PTPRN2: variants seen among roughly 807,000 people sequenced by gnomAD.
The protein encoded by PTPRN2 is protein tyrosine phosphatase receptor type N2.
In PTPRN2, 74 loss-of-function variants were observed where a neutral mutation model predicts 118.8. The observed-to-expected ratio is 0.62, with a 90% CI of 0.52 to 0.76. PTPRN2 has a LOEUF of 0.76. Ranked by LOEUF, PTPRN2 falls within the 30% of genes least tolerant of loss-of-function variation. The probability of loss-of-function intolerance (pLI) is 0.00; values close to 1 mark genes in which losing one functional copy is unlikely to be tolerated. For missense variants in PTPRN2, 1,481 were observed against 1,394.4 expected (o/e 1.06, Z -0.99); for synonymous variants, 641 against 608.0 (o/e 1.05, Z -0.80).
At chr7:157,842,144 C>T (rs1808466545) in intron 12 of PTPRN2, among the ~76,000 whole-genome samples, 1 of 152,190 alleles carries the variant, frequency 6.6e-6, no homozygotes, top group South Asian at 2.1e-4. Context: ...CCATACACAA[C>T]ATTAGAAACG....
chr7:158,002,437 G>A (rs1350072639), intron 11 of PTPRN2, among the ~76,000 whole-genome samples: 3 of 152,208 alleles, frequency 2.0e-5, no homozygotes, highest in Non-Finnish European at 1.5e-5. Flanking sequence ...CTCTGGTGGG[G>A]AGAGTCACTT....
At chr7:158,389,975 C>T (rs928826129) in intron 2 of PTPRN2, among the ~76,000 whole-genome samples, 3 of 152,238 alleles carry the variant, frequency 2.0e-5, no homozygotes, top group Non-Finnish European at 4.4e-5. Context: ...CCTGCATCCA[C>T]CTCGGATGAC....
intron 9 of PTPRN2, among the ~76,000 whole-genome samples, chr7:158,131,679 GACAC>G (rs372268836): frequency 3.1e-5 from 4 of 130,832 alleles, no homozygotes; most frequent in Admixed American, 7.9e-5. Context: ...ACATCTACCC[GACAC>G]ACACTCATAC....
At position 158,289,728 on chromosome 7, in the gene PTPRN2, T is replaced by TTTG. The variant is rs141044075; in HGVS notation, c.277+27088_277+27090dup. The stretch of plus-strand genomic sequence containing the variant: ...TGTTGTGTCTCCTTGGTTTTTCATG[T>TTTG]TTGTTGTTGTTGTTGTTGTTGTTGC... On this transcript the variant is annotated intron_variant, in intron 3 of 22. Transcript: ENST00000389418. Among the ~76,000 whole-genome samples, 70 of 151,966 alleles carry TTTG rather than the reference T, an allele frequency of 4.6e-4. 1 individual carries two copies. Among genetic ancestry groups the TTTG allele is most frequent in the African/African-American group, 1.3e-3 (52 of 41,500 alleles).
rs79528540 is a variant in PTPRN2, at chr7:158,019,431, C to T, written c.1723+61867G>A. 4.6e-3 allele frequency among the ~76,000 whole-genome samples: 696 copies of T among 152,336 alleles called. 11 individuals carry two copies. The East Asian group carries it at 0.072, about 16-fold the overall frequency. On this transcript the variant is annotated intron_variant, in intron 11 of 22. Coordinates refer to ENST00000389418, the MANE Select transcript of PTPRN2 (RefSeq NM_002847.5). ...CTCTCTTTAAGGGTGGCTACAAGGA[C>T]GTGAGCTGGAGTGACCGTGTCAGAC...
At chr7:158,132,285 AAACT>A (rs543310532) in intron 9 of PTPRN2, among the ~76,000 whole-genome samples, 24 of 150,376 alleles carry the variant, frequency 1.6e-4, no homozygotes, top group African/African-American at 6.0e-4. Flanking sequence ...ACACACGCAC[AAACT>A]GATACACATC....
chr7:158,033,340 G>A (rs772031440), intron 11 of PTPRN2, among the ~76,000 whole-genome samples: 6 of 152,184 alleles, frequency 3.9e-5, no homozygotes, highest in Non-Finnish European at 7.3e-5. Flanking sequence ...ATGATAAGTC[G>A]TTTTAGCCAT....
intron 11 of PTPRN2, among the ~76,000 whole-genome samples, chr7:157,965,055 T>C (rs1801825165): frequency 6.6e-6 from 1 of 152,106 alleles, no homozygotes; most frequent in Non-Finnish European, 1.5e-5. Flanking sequence ...CATGCTTTCA[T>C]TCAATAGGAA....
intron 12 of PTPRN2, among the ~76,000 whole-genome samples, chr7:157,889,358 G>C (rs1477758551): frequency 6.6e-6 from 1 of 151,912 alleles, no homozygotes; most frequent in Non-Finnish European, 1.5e-5. Context: ...ACAGAAACCA[G>C]CCCTTTTAAA....
chr7:158,171,310 T>TATATACACAC (rs1823653311), intron 5 of PTPRN2, among the ~76,000 whole-genome samples: 1 of 67,668 alleles, frequency 1.5e-5, no homozygotes, highest in Non-Finnish European at 2.6e-5. Flanking sequence ...TATACACACA[T>TATATACACAC]ATATATATAT....
At chr7:157,858,076 A>AGCCCCCC (rs1809872309) in intron 12 of PTPRN2, among the ~76,000 whole-genome samples, 15 of 131,676 alleles carry the variant, frequency 1.1e-4, no homozygotes, top group African/African-American at 2.3e-4. Flanking sequence ...CTGCAGGGAG[A>AGCCCCCC]ACCCCGTCAC....
chr7:158,203,908 C>G (rs1272739297), intron 4 of PTPRN2, among the ~76,000 whole-genome samples: 2 of 152,252 alleles, frequency 1.3e-5, no homozygotes, highest in African/African-American at 4.8e-5. Context: ...GGTAGATACA[C>G]CAGGCACAGA....
At chr7:158,055,634 T>C (rs937923869) in intron 11 of PTPRN2, among the ~76,000 whole-genome samples, 12 of 152,232 alleles carry the variant, frequency 7.9e-5, no homozygotes, top group Non-Finnish European at 2.9e-5. Flanking sequence ...AAGTCTGATA[T>C]GCAGAAATAA....
At chr7:158,483,857 G>T (rs1820806842) in intron 2 of PTPRN2, among the ~76,000 whole-genome samples, 1 of 152,118 alleles carries the variant, frequency 6.6e-6, no homozygotes, top group African/African-American at 2.4e-5. Context: ...ATAGGAGTTG[G>T]CCGGGCGCAA....
intron 13 of PTPRN2, among the ~76,000 whole-genome samples, chr7:157,681,130 T>C (rs1443477496): frequency 6.6e-6 from 1 of 152,194 alleles, no homozygotes; most frequent in African/African-American, 2.4e-5. Flanking sequence ...CATTTCTGCA[T>C]GCAAGTCCAA....
intron 6 of PTPRN2, among the ~76,000 whole-genome samples, chr7:158,144,908 C>T (rs10229663): frequency 0.55 from 77,359 of 141,808 alleles, 24,691 homozygotes; most frequent in African/African-American, 0.88. Context: ...GAAGGAGGAA[C>T]TGAACAGCAA....
chr7:158,373,068 G>A lies in PTPRN2; in HGVS notation c.164-56136C>T, dbSNP rs145330945. On this transcript the variant is annotated intron_variant, in intron 2 of 22. Transcript: ENST00000389418. The stretch of plus-strand genomic sequence containing the variant: ...AGCACGGCCGAAGGTTCCACCCAGC[G>A]GCCTCTTAAATCAAGGACTTCCAGG... 1.8e-4 allele frequency among the ~76,000 whole-genome samples: 28 copies of A among 152,330 alleles called. No homozygotes were observed. The East Asian group carries it at 1.9e-3, about 11-fold the overall frequency.
intron 11 of PTPRN2, among the ~76,000 whole-genome samples, chr7:157,946,103 CT>C (rs1410095946): frequency 6.6e-6 from 1 of 152,232 alleles, no homozygotes; most frequent in East Asian, 1.9e-4. Flanking sequence ...CTCTTTCCCA[CT>C]TTGCCTCTTG....
chr7:157,936,998 T>C (rs1350095522), intron 11 of PTPRN2, among the ~76,000 whole-genome samples: 2 of 152,264 alleles, frequency 1.3e-5, no homozygotes, highest in Non-Finnish European at 2.9e-5. Flanking sequence ...TTTTCTCTTG[T>C]AGAATGTCTT....
Sources: allele counts gnomAD v4.1 joint callset (sites outside exome capture counted in the v4.1 genomes callset), GRCh38; gene constraint gnomAD v4.1.1; transcripts MANE v1.5; gene names NCBI Gene and HGNC (gene_info 2026-07-23, HGNC 2026-07-21).